The following PTCD2 variants were observed in gnomAD, a reference collection of about 807,000 sequenced individuals.
PTCD2 encodes pentatricopeptide repeat-containing protein 2, mitochondrial.
PTCD2 carries 31 observed loss-of-function variants against 42.6 expected under a neutral mutation model. The ratio of observed to expected loss-of-function variants is 0.73; its 90% CI spans 0.55 to 0.98. The LOEUF (loss-of-function observed/expected upper bound fraction) is 0.98. Ranked by LOEUF, PTCD2 falls within the 50% of genes least tolerant of loss-of-function variation. The probability of loss-of-function intolerance (pLI) is 0.00; values close to 1 mark genes in which losing one functional copy is unlikely to be tolerated. For synonymous variants in PTCD2, 183 were observed against 170.9 expected (o/e 1.07, Z -0.55); for missense variants, 476 against 454.8 (o/e 1.05, Z -0.42).
chr5:72,337,575 C>T (rs1428889267), intron 6 of PTCD2, among the ~76,000 whole-genome samples: 2 of 152,110 alleles, frequency 1.3e-5, no homozygotes, highest in African/African-American at 4.8e-5. Flanking sequence ...GCAGGCAGAT[C>T]ACCTGAGGTC....
At chr5:72,344,894 C>T (rs1337781499) in intron 8 of PTCD2, among the ~76,000 whole-genome samples, 1 of 152,082 alleles carries the variant, frequency 6.6e-6, no homozygotes, top group Admixed American at 6.6e-5. Context: ...TAGAATATCA[C>T]AAGGTAAATG....
chr5:72,355,377 A>G (rs2112233038), intron 9 of PTCD2, among the ~76,000 whole-genome samples: 1 of 152,328 alleles, frequency 6.6e-6, no homozygotes, highest in East Asian at 1.9e-4. Flanking sequence ...ATAAATATAC[A>G]CAATTATTAT....
At chr5:72,340,529 T>C (rs1274020618) in intron 7 of PTCD2, among the ~76,000 whole-genome samples, 4 of 152,230 alleles carry the variant, frequency 2.6e-5, no homozygotes, top group Non-Finnish European at 5.9e-5. Flanking sequence ...CTCTGTACTA[T>C]AGCCATACTC....
intron 4 of PTCD2, among the ~76,000 whole-genome samples, chr5:72,331,986 A>G (rs765417859): frequency 7.9e-5 from 12 of 152,292 alleles, no homozygotes; most frequent in Admixed American, 5.2e-4. Context: ...ACCTAGAGAC[A>G]TTATAAATTC....
chr5:72,336,733 T>A (rs1751763788), intron 6 of PTCD2, among the ~76,000 whole-genome samples: 1 of 150,614 alleles, frequency 6.6e-6, no homozygotes, highest in Non-Finnish European at 1.5e-5. Flanking sequence ...AAAAAAAAGT[T>A]ATTTTATTAT....
chr5:72,330,443 G>C (rs1166892244), intron 3 of PTCD2, among the ~76,000 whole-genome samples: 1 of 152,096 alleles, frequency 6.6e-6, no homozygotes, highest in Non-Finnish European at 1.5e-5. Context: ...CTCATTATAT[G>C]AATCTAAATC....
chr5:72,329,935 T>A (rs1751349881), intron 3 of PTCD2, among the ~76,000 whole-genome samples: 1 of 138,320 alleles, frequency 7.2e-6, no homozygotes, highest in Admixed American at 7.2e-5. Context: ...ATTTATAACT[T>A]CTTTTTTTTT....
intron 8 of PTCD2, among the ~76,000 whole-genome samples, chr5:72,352,146 A>C (rs778092500): frequency 1.1e-4 from 17 of 151,966 alleles, no homozygotes; most frequent in Non-Finnish European, 2.5e-4. Flanking sequence ...TTGAAGTTGT[A>C]GTATTTTATT....
intron 4 of PTCD2, among the ~76,000 whole-genome samples, chr5:72,333,673 G>A (rs1346304792): frequency 6.6e-6 from 1 of 152,150 alleles, no homozygotes; most frequent in Non-Finnish European, 1.5e-5. Flanking sequence ...AAGTTCAAGG[G>A]ATTTCTCTGT....
At chr5:72,349,625 A>G (rs1303109923) in intron 8 of PTCD2, among the ~76,000 whole-genome samples, 1 of 152,176 alleles carries the variant, frequency 6.6e-6, no homozygotes, top group Middle Eastern at 3.2e-3. Context: ...TCAGAAAATC[A>G]AAGAGGCAGG....
chr5:72,362,012 T>C lies in PTCD2; in HGVS notation c.*3585T>C, dbSNP rs1419919853. Reference sequence around the variant, plus strand: ...CCATGTCTGTCCTTTCTGCTCTGTTTGCTGGGTGCCTAGCATGGTAGGGGA... The same window carrying C: ...CCATGTCTGTCCTTTCTGCTCTGTTCGCTGGGTGCCTAGCATGGTAGGGGA... On this transcript the variant is annotated 3_prime_UTR_variant, in exon 10 of 10. Transcript: ENST00000380639. The C allele has an allele frequency of 1.3e-5, 2 of 152,320 alleles. No individual in the cohort carries two copies. Among genetic ancestry groups the C allele is most frequent in the Non-Finnish European group, 2.9e-5 (2 of 68,108 alleles). The allele number at this position is 152,320 out of a possible 1,614,324, so 9.4% of individuals were successfully genotyped here.
chr5:72,353,001 G>A (rs1752696800), intron 9 of PTCD2, among the ~76,000 whole-genome samples: 1 of 151,782 alleles, frequency 6.6e-6, no homozygotes, highest in Admixed American at 6.6e-5. Flanking sequence ...TTGTATTCAT[G>A]GGCCCTGGCT....
intron 8 of PTCD2, among the ~76,000 whole-genome samples, chr5:72,344,717 AAG>A (rs1239252781): frequency 6.6e-6 from 1 of 152,126 alleles, no homozygotes; most frequent in Non-Finnish European, 1.5e-5. Context: ...CAGAGTACAA[AAG>A]AGAGAAATTT....
Position 72,360,346 on chromosome 5 carries a change from T to C in PTCD2, c.*1919T>C, listed in dbSNP as rs548597864. ...AAATGGCTCCAGTGCTGTGGGTGAGTGTGGCCTTGGTTGTTAGCTAACAAC... is the reference window on the plus strand; with the variant it reads ...AAATGGCTCCAGTGCTGTGGGTGAGCGTGGCCTTGGTTGTTAGCTAACAAC... On this transcript the variant is annotated 3_prime_UTR_variant, in exon 10 of 10. Coordinates refer to ENST00000380639, the MANE Select transcript of PTCD2 (RefSeq NM_024754.5). 1 of 152,184 alleles carries C rather than the reference T, an allele frequency of 6.6e-6. No homozygotes were observed. The highest frequency in any genetic ancestry group is 2.4e-5 in the African/African-American group (1 of 41,522). 9.4% of individuals were successfully genotyped at this position (152,184 alleles called of 1,614,324 possible).
rs1753118321 is a variant in PTCD2 at position 72,362,570 on chromosome 5, TC to T, written c.*4145del. The T allele has an allele frequency of 6.6e-6, 1 of 152,214 alleles. No individual in the cohort carries two copies. Among genetic ancestry groups the T allele is most frequent in the Non-Finnish European group, 1.5e-5 (1 of 68,086 alleles). The allele number at this position is 152,214 out of a possible 1,614,324, so 9.4% of individuals were successfully genotyped here. A position where few individuals can be genotyped will look rare whatever the true frequency, so the allele number is the denominator to read the frequency against. On this transcript the variant is annotated 3_prime_UTR_variant, in exon 10 of 10. Transcript: ENST00000380639. ...TTTGCTCAGCCCACTGTGTATCCCT[TC>T]CTCCTCCCAACCAAAGTGTCCCCAC...
In PTCD2 at chr5:72,360,390, C is replaced by T. The variant is rs1287524695; in HGVS notation, c.*1963C>T. 1 of 152,116 alleles carries T rather than the reference C, an allele frequency of 6.6e-6. No homozygotes were observed. The highest frequency in any genetic ancestry group is 6.6e-5 in the Admixed American group (1 of 15,264). The allele number at this position is 152,116 out of a possible 1,614,324, so 9.4% of individuals were successfully genotyped here. On this transcript the variant is annotated 3_prime_UTR_variant, in exon 10 of 10. Coordinates refer to ENST00000380639, the MANE Select transcript of PTCD2 (RefSeq NM_024754.5). ...TAACAACCATTCATTAGCGAAATAA[C>T]CAAATTTTGTGAGCAGTAAATAGCA... is the stretch of plus-strand genomic sequence containing the variant.
chr5:72,350,667 T>C (rs1242680574), intron 8 of PTCD2, among the ~76,000 whole-genome samples: 1 of 152,182 alleles, frequency 6.6e-6, no homozygotes, highest in Non-Finnish European at 1.5e-5. Context: ...TTAAATTGGG[T>C]TCTTTGTATT....
chr5:72,323,533 C>CTT (rs892613033), intron 2 of PTCD2, among the ~76,000 whole-genome samples: 3 of 148,720 alleles, frequency 2.0e-5, no homozygotes, highest in Admixed American at 6.7e-5. Flanking sequence ...TAAGACTTTC[C>CTT]TTTTTTTTTT....
intron 8 of PTCD2, among the ~76,000 whole-genome samples, chr5:72,350,660 A>C (rs1018005585): frequency 1.3e-5 from 2 of 152,164 alleles, no homozygotes; most frequent in African/African-American, 4.8e-5. Context: ...ACTGAATTTA[A>C]ATTGGGTTCT....
Sources: allele counts gnomAD v4.1 joint callset (sites outside exome capture counted in the v4.1 genomes callset), GRCh38; gene constraint gnomAD v4.1.1; transcripts MANE v1.5; gene names NCBI Gene and HGNC (gene_info 2026-07-23, HGNC 2026-07-21).